The following TRIM60 variants were observed in gnomAD, a reference collection of about 807,000 sequenced individuals.
TRIM60 encodes tripartite motif-containing protein 60.
For missense variants in TRIM60, 524 were observed against 540.8 expected, an observed-to-expected ratio of 0.97 and a Z score of 0.31; for synonymous variants, 189 against 195.2, an observed-to-expected ratio of 0.97 and a Z score of 0.27.
chr4:165,033,707 G>A (rs936863414), intron 1 of TRIM60, among the ~76,000 whole-genome samples: 2 of 152,188 alleles, frequency 1.3e-5, no homozygotes, highest in African/African-American at 2.4e-5. Context: ...ATTGCAATAG[G>A]GAGAATTCAG....
chr4:165,038,774 A>G (rs905295565), intron 1 of TRIM60, among the ~76,000 whole-genome samples: 22 of 151,352 alleles, frequency 1.5e-4, no homozygotes, highest in African/African-American at 5.3e-4. Flanking sequence ...ACATTTTTAT[A>G]TATAGTTTTA....
In TRIM60 at chr4:165,041,029, T is replaced by C. The variant is rs748296854; in HGVS notation, c.957T>C (p.Tyr319=). The C allele has an allele frequency of 4.3e-6, 7 of 1,613,978 alleles. No individual in the cohort carries two copies. The South Asian group carries it at 5.5e-5, about 13-fold the overall frequency. ...LVSEDRKAVR[Y]ERKKRNICYD... ...CTGAGGATAGAAAAGCTGTGCGATA[T>C]GAAAGAAAAAAACGAAACATTTGTT... Residue 319 remains tyrosine, a synonymous_variant, in exon 3 of 3, where the codon TAT becomes TAC. Coordinates refer to ENST00000512596, the MANE Select transcript of TRIM60 (RefSeq NM_152620.3).
chr4:165,033,656 A>G (rs1236597106), intron 1 of TRIM60, among the ~76,000 whole-genome samples: 2 of 152,232 alleles, frequency 1.3e-5, no homozygotes, highest in African/African-American at 4.8e-5. Flanking sequence ...AAAGCCAGAC[A>G]CTGGGTAGTC....
In TRIM60 at chr4:165,040,602, A is replaced by C. The variant is rs771106385; in HGVS notation, c.530A>C (p.Glu177Ala). The C allele has an allele frequency of 6.2e-7, 1 of 1,614,194 alleles. No individual in the cohort carries two copies. Among genetic ancestry groups the C allele is most frequent in the Non-Finnish European group, 8.5e-7 (1 of 1,180,026 alleles). ...TCAGTGGAGCTGAAAAAGAAGGTAG[A>C]ATATAAGAGGGAAGAAATAAATTCT... is the stretch of plus-strand genomic sequence containing the variant. ...SKSVELKKKV[E>A]YKREEINSEF... The change falls in exon 3 of 3, where the codon GAA (glutamate) becomes GCA (alanine). Residue 177 changes from glutamate (E) to alanine (A), a missense_variant. Coordinates refer to ENST00000512596, the MANE Select transcript of TRIM60 (RefSeq NM_152620.3).
intron 1 of TRIM60, among the ~76,000 whole-genome samples, chr4:165,038,376 C>T (rs577893460): frequency 6.7e-6 from 1 of 149,944 alleles, no homozygotes; most frequent in East Asian, 1.9e-4. Context: ...GAATGAATTA[C>T]ATTTTTTTTC....
chr4:165,033,174 G>A (rs897090153), intron 1 of TRIM60, among the ~76,000 whole-genome samples: 1 of 152,212 alleles, frequency 6.6e-6, no homozygotes, highest in African/African-American at 2.4e-5. Flanking sequence ...TGGCGACAGA[G>A]TGAGATCCTG....
Position 165,035,265 on chromosome 4 carries a change from C to T in TRIM60, c.-57+3153C>T, listed in dbSNP as rs529757072. 4.6e-5 allele frequency among the ~76,000 whole-genome samples: 7 copies of T among 152,292 alleles called. No individual in the cohort carries two copies. The East Asian group carries it at 1.2e-3, about 25-fold the overall frequency. On this transcript the variant is annotated intron_variant, in intron 1 of 2. Transcript: ENST00000512596. ...AATTTTGTAGAGATGAGGTCTTGCT[C>T]TGTTGCCCAGACTGGTCTTGAGTGT...
Position 165,041,519 on chromosome 4 carries a change from T to C in TRIM60, c.*31T>C, listed in dbSNP as rs773474719. The C allele has an allele frequency of 1.1e-5, 16 of 1,411,036 alleles. No homozygotes were observed. In the African/African-American group the frequency reaches 2.0e-4, roughly 18 times the overall value. 87.4% of individuals were successfully genotyped at this position (1,411,036 alleles called of 1,614,324 possible). On this transcript the variant is annotated 3_prime_UTR_variant, in exon 3 of 3. Coordinates refer to ENST00000512596, the MANE Select transcript of TRIM60 (RefSeq NM_152620.3). ...TGGTAAATGGGTCTGTTTCAGTTTT[T>C]GTAGGTAACTTAGCCAGTAAATTTA...
At chr4:165,032,834 G>A (rs1345411943) in intron 1 of TRIM60, among the ~76,000 whole-genome samples, 1 of 152,060 alleles carries the variant, frequency 6.6e-6, no homozygotes, top group Non-Finnish European at 1.5e-5. Flanking sequence ...CTTGAGATCT[G>A]GGAATCTCCC....
chr4:165,038,958 AG>A (rs1733686168), intron 1 of TRIM60, among the ~76,000 whole-genome samples: 1 of 152,014 alleles, frequency 6.6e-6, no homozygotes, highest in Non-Finnish European at 1.5e-5. Context: ...GCTTCTTGGG[AG>A]GCTGAGGCTG....
At chr4:165,033,905 G>A (rs979784453) in intron 1 of TRIM60, among the ~76,000 whole-genome samples, 6 of 152,132 alleles carry the variant, frequency 3.9e-5, no homozygotes, top group African/African-American at 1.2e-4. Context: ...AGGAAGTCAG[G>A]CCCCAACTCT....
chr4:165,038,183 A>G (rs1453653311), intron 1 of TRIM60, among the ~76,000 whole-genome samples: 1 of 152,196 alleles, frequency 6.6e-6, no homozygotes, highest in Non-Finnish European at 1.5e-5. Context: ...ATATTTAAGC[A>G]TGTATTTCCT....
Position 165,041,505 on chromosome 4 carries a change from T to G in TRIM60, c.*17T>G. ...GAAAGATAAGGAACTGGTAAATGGG[T>G]CTGTTTCAGTTTTTGTAGGTAACTT... On this transcript the variant is annotated 3_prime_UTR_variant, in exon 3 of 3. Transcript: ENST00000512596. 6.7e-7 allele frequency: 1 copy of G among 1,483,324 alleles called. No homozygotes were observed. The highest frequency in any genetic ancestry group is 1.5e-5 in the South Asian group (1 of 68,848). The allele number at this position is 1,483,324 out of a possible 1,614,324, so 91.9% of individuals were successfully genotyped here.
At chr4:165,036,825 G>C (rs1328786442) in intron 1 of TRIM60, among the ~76,000 whole-genome samples, 4 of 150,558 alleles carry the variant, frequency 2.7e-5, no homozygotes, top group Non-Finnish European at 5.9e-5. Context: ...AGGTTGCAGT[G>C]AGCCGAGATC....
Position 165,041,030 on chromosome 4 carries a change from G to C in TRIM60, c.958G>C (p.Glu320Gln), listed in dbSNP as rs769756014. The C allele has an allele frequency of 1.9e-6, 3 of 1,613,882 alleles. No individual in the cohort carries two copies. The highest frequency in any genetic ancestry group is 2.5e-6 in the Non-Finnish European group (3 of 1,179,856). The change falls in exon 3 of 3, where the codon GAA becomes CAA. Residue 320 changes from glutamate (E) to glutamine (Q), a missense_variant. Glu to Gln is a conservative substitution (Grantham distance 29, BLOSUM62 2). Transcript: ENST00000512596. ...VSEDRKAVRY[E>Q]RKKRNICYDP... ...TGAGGATAGAAAAGCTGTGCGATAT[G>C]AAAGAAAAAAACGAAACATTTGTTA...
chr4:165,032,225 T>G (rs990098255), intron 1 of TRIM60, 113 bp downstream of exon 1: 1 of 152,350 alleles, frequency 6.6e-6, no homozygotes, highest in Non-Finnish European at 1.5e-5. Context: ...TCGCGACCTG[T>G]CCACGACTGA....
At chr4:165,034,303 G>A (rs918343207) in intron 1 of TRIM60, among the ~76,000 whole-genome samples, 2 of 151,930 alleles carry the variant, frequency 1.3e-5, no homozygotes, top group Non-Finnish European at 2.9e-5. Context: ...ACAGGCGCAC[G>A]CCACTACACC....
Position 165,040,454 on chromosome 4 carries a change from CACT to C in TRIM60, c.385_387del (p.Tyr129del). 1 of 1,614,206 alleles carries C rather than the reference CACT, an allele frequency of 6.2e-7. No individual in the cohort carries two copies. Among genetic ancestry groups the C allele is most frequent in the Admixed American group, 1.7e-5 (1 of 60,026 alleles). On this transcript the variant is annotated inframe_deletion, in exon 3 of 3. Transcript: ENST00000512596. The stretch of plus-strand genomic sequence containing the variant: ...CAGTTTCTCCACTAAACACCAGAAG[CACT>C]ACATTTGCCCTATTAAGAAAGCTGC...
At chr4:165,035,674 T>A (rs1354490432) in intron 1 of TRIM60, among the ~76,000 whole-genome samples, 1 of 152,178 alleles carries the variant, frequency 6.6e-6, no homozygotes, top group Non-Finnish European at 1.5e-5. Flanking sequence ...TAAACCTCAT[T>A]GTTTGTATAA....
Sources: allele counts gnomAD v4.1 joint callset (sites outside exome capture counted in the v4.1 genomes callset), GRCh38; gene constraint gnomAD v4.1.1; transcripts MANE v1.5; gene names NCBI Gene and HGNC (gene_info 2026-07-23, HGNC 2026-07-21).